TENM3: variants seen among roughly 807,000 people sequenced by gnomAD.
TENM3 encodes the protein teneurin-3.
A neutral mutation model predicts 255.1 loss-of-function variants in TENM3; 63 were observed. That is an observed-to-expected ratio of 0.25 (90% CI 0.20 to 0.30). The LOEUF (loss-of-function observed/expected upper bound fraction) is 0.30. Ranked by LOEUF, TENM3 falls within the 10% of genes least tolerant of loss-of-function variation. TENM3 has a pLI of 1.00. For synonymous variants in TENM3, 1,306 were observed against 1,322.3 expected, an observed-to-expected ratio of 0.99 and a Z score of 0.27; for missense variants, 2,929 against 3,461.1, an observed-to-expected ratio of 0.85 and a Z score of 3.86.
chr4:182,537,507 C>G (rs1740455266), intron 3 of TENM3, among the ~76,000 whole-genome samples: 1 of 152,206 alleles, frequency 6.6e-6, no homozygotes, highest in African/African-American at 2.4e-5. Flanking sequence ...GTCAAGTAAA[C>G]TATTTATTTA....
chr4:181,480,509 T>C, the TENM3 span, among the ~76,000 whole-genome samples: 1 of 152,220 alleles, frequency 6.6e-6, no homozygotes. Context: ...GAACTGGTGA[T>C]ATTATTCTAG....
intron 12 of TENM3, among the ~76,000 whole-genome samples, chr4:182,710,130 C>T (rs571303027): frequency 1.3e-5 from 2 of 152,246 alleles, no homozygotes; most frequent in African/African-American, 4.8e-5. Flanking sequence ...GCAGGCCTAA[C>T]GTAAAAGCAA....
the TENM3 span, among the ~76,000 whole-genome samples, chr4:181,543,198 A>G: frequency 6.6e-6 from 1 of 152,320 alleles, no homozygotes; most frequent in Non-Finnish European, 1.5e-5. Context: ...CATTTTGTCC[A>G]GAAATTCCTT....
the TENM3 span, among the ~76,000 whole-genome samples, chr4:182,076,104 T>TCTCA: frequency 4.6e-5 from 7 of 151,936 alleles, no homozygotes; most frequent in Admixed American, 2.0e-4. Context: ...AGAGATGAGG[T>TCTCA]CTCACTATGT....
At chr4:182,036,391 A>G in the TENM3 span, among the ~76,000 whole-genome samples, 1 of 152,088 alleles carries the variant, frequency 6.6e-6, no homozygotes, top group Non-Finnish European at 1.5e-5. Context: ...GGTTTTCACC[A>G]CGTTGGCCAG....
chr4:181,579,714 T>A, the TENM3 span, among the ~76,000 whole-genome samples: 1 of 152,160 alleles, frequency 6.6e-6, no homozygotes, highest in Non-Finnish European at 1.5e-5. Flanking sequence ...AGCCTTCAGA[T>A]TTAAGAAGTG....
chr4:182,088,295 T>C, the TENM3 span, among the ~76,000 whole-genome samples: 1 of 152,198 alleles, frequency 6.6e-6, no homozygotes, highest in East Asian at 1.9e-4. Flanking sequence ...AACTATACCA[T>C]ATAGCTGGAA....
At chr4:181,723,641 A>G in the TENM3 span, among the ~76,000 whole-genome samples, 3 of 151,786 alleles carry the variant, frequency 2.0e-5, no homozygotes, top group Admixed American at 6.6e-5. Flanking sequence ...ATGTATGACC[A>G]GTTTTTGTCT....
chr4:182,205,295 T>C (rs1177913680), intron 1 of TENM3, among the ~76,000 whole-genome samples: 1 of 152,266 alleles, frequency 6.6e-6, no homozygotes, highest in Non-Finnish European at 1.5e-5. Flanking sequence ...GTAAGCTAAA[T>C]GCTTCTTTAC....
the TENM3 span, among the ~76,000 whole-genome samples, chr4:181,607,493 C>A: frequency 1.1e-4 from 17 of 151,818 alleles, no homozygotes; most frequent in Non-Finnish European, 2.1e-4. Flanking sequence ...CGGCTCACTG[C>A]AACCTCCACC....
the TENM3 span, among the ~76,000 whole-genome samples, chr4:182,033,118 C>T: frequency 3.3e-5 from 5 of 151,448 alleles, no homozygotes; most frequent in Admixed American, 3.3e-4. Flanking sequence ...TTCTCTAGTT[C>T]TTTTAGTTTT....
intron 3 of TENM3, among the ~76,000 whole-genome samples, chr4:182,441,975 G>A (rs572725507): frequency 5.9e-5 from 9 of 152,172 alleles, no homozygotes; most frequent in Non-Finnish European, 7.3e-5. Context: ...GTACGATGAA[G>A]GCAGGAAAAG....
chr4:182,212,177 G>A (rs913412838), intron 1 of TENM3, among the ~76,000 whole-genome samples: 4 of 152,182 alleles, frequency 2.6e-5, no homozygotes, highest in Non-Finnish European at 5.9e-5. Context: ...TAAAAGGTCT[G>A]TACATTTTTC....
chr4:182,200,707 A>C (rs1319833390), intron 1 of TENM3, among the ~76,000 whole-genome samples: 1 of 152,198 alleles, frequency 6.6e-6, no homozygotes, highest in African/African-American at 2.4e-5. Context: ...AACAATTAAA[A>C]ATGCAAACTG....
chr4:182,320,498 G>A (rs1356787927), intron 1 of TENM3, among the ~76,000 whole-genome samples: 1 of 152,128 alleles, frequency 6.6e-6, no homozygotes, highest in African/African-American at 2.4e-5. Flanking sequence ...GTGTGTGCCT[G>A]TATCCAAATT....
At chr4:181,721,550 A>G in the TENM3 span, among the ~76,000 whole-genome samples, 1 of 36,120 alleles carries the variant, frequency 2.8e-5, no homozygotes, top group African/African-American at 7.3e-5. Flanking sequence ...CAGTGAGCCG[A>G]GATCGCGCCA....
chr4:181,455,625 G>A, the TENM3 span, among the ~76,000 whole-genome samples: 1 of 151,950 alleles, frequency 6.6e-6, no homozygotes, highest in Non-Finnish European at 1.5e-5. Flanking sequence ...AGATTATCTG[G>A]TTGCTTGTAT....
chr4:181,750,146 G>C, the TENM3 span, among the ~76,000 whole-genome samples: 1 of 152,146 alleles, frequency 6.6e-6, no homozygotes, highest in Non-Finnish European at 1.5e-5. Context: ...AAGGTTTCCA[G>C]CCACGAAACT....
the TENM3 span, among the ~76,000 whole-genome samples, chr4:181,683,429 A>G: frequency 2.0e-5 from 3 of 152,132 alleles, no homozygotes; most frequent in Non-Finnish European, 4.4e-5. Flanking sequence ...CTTACACTTT[A>G]TATTAGACTC....
Sources: allele counts gnomAD v4.1 joint callset (sites outside exome capture counted in the v4.1 genomes callset), GRCh38; gene constraint gnomAD v4.1.1; transcripts MANE v1.5; gene names NCBI Gene and HGNC (gene_info 2026-07-23, HGNC 2026-07-21).